Variants in ADGRB3 observed in about 807,000 individuals in gnomAD.
ADGRB3 encodes the protein brain-specific angiogenesis inhibitor 3.
A neutral mutation model predicts 193.4 loss-of-function variants in ADGRB3; 37 were observed. The ratio of observed to expected loss-of-function variants is 0.19; its 90% CI spans 0.15 to 0.25. The LOEUF (loss-of-function observed/expected upper bound fraction) is 0.25, where lower values mean the gene tolerates loss of function less well. ADGRB3 is among the 10% of genes least tolerant of loss of function. ADGRB3 has a pLI of 1.00. For missense variants in ADGRB3, 1,637 were observed against 1,852.9 expected (o/e 0.88, Z 2.14); for synonymous variants, 690 against 644.2 (o/e 1.07, Z -1.08).
intron 17 of ADGRB3, among the ~76,000 whole-genome samples, chr6:69,157,665 T>C (rs1025212608): frequency 3.3e-5 from 5 of 151,336 alleles, no homozygotes; most frequent in Non-Finnish European, 5.9e-5. Context: ...GCAAATTTAA[T>C]TGCATTTTTT....
intron 3 of ADGRB3, among the ~76,000 whole-genome samples, chr6:68,644,213 A>G (rs950996806): frequency 6.6e-6 from 1 of 152,122 alleles, no homozygotes; most frequent in African/African-American, 2.4e-5. Flanking sequence ...CACCTTTATT[A>G]GGGGAAGATT....
intron 20 of ADGRB3, among the ~76,000 whole-genome samples, chr6:69,266,168 A>G (rs1284278253): frequency 6.6e-6 from 1 of 152,030 alleles, no homozygotes; most frequent in Non-Finnish European, 1.5e-5. Context: ...TATGGTTCAC[A>G]GCCAGTAACA....
intron 3 of ADGRB3, among the ~76,000 whole-genome samples, chr6:68,729,629 A>G (rs1281209702): frequency 1.3e-5 from 2 of 151,600 alleles, no homozygotes; most frequent in Non-Finnish European, 3.0e-5. Context: ...AGAATCCCCA[A>G]GAATCTCTTT....
At chr6:69,121,111 G>T (rs1037826693) in intron 17 of ADGRB3, among the ~76,000 whole-genome samples, 1 of 151,708 alleles carries the variant, frequency 6.6e-6, no homozygotes, top group African/African-American at 2.4e-5. Flanking sequence ...AGATAAACAG[G>T]TGAACAAAGG....
At chr6:69,044,027 C>A (rs1361062293) in intron 13 of ADGRB3, among the ~76,000 whole-genome samples, 1 of 151,704 alleles carries the variant, frequency 6.6e-6, no homozygotes, top group Admixed American at 6.6e-5. Flanking sequence ...GGCGACAGAG[C>A]GAGACTCCGT....
chr6:69,126,240 T>C (rs527850434), intron 17 of ADGRB3, among the ~76,000 whole-genome samples: 3,016 of 151,132 alleles, frequency 0.02, 41 homozygotes, highest in Non-Finnish European at 0.028. Context: ...CACACATACA[T>C]ACATACATAC....
chr6:68,922,653 T>G (rs1767076177), intron 3 of ADGRB3, among the ~76,000 whole-genome samples: 1 of 152,156 alleles, frequency 6.6e-6, no homozygotes, highest in Non-Finnish European at 1.5e-5. Context: ...ACCTTAGAGA[T>G]CATGTTCCCG....
intron 17 of ADGRB3, among the ~76,000 whole-genome samples, chr6:69,140,112 G>C (rs1774284652): frequency 6.6e-6 from 1 of 152,116 alleles, no homozygotes; most frequent in African/African-American, 2.4e-5. Context: ...TTAGATGCAA[G>C]CATAGCATCT....
chr6:68,903,924 G>A (rs1030430966), intron 3 of ADGRB3, among the ~76,000 whole-genome samples: 1 of 150,782 alleles, frequency 6.6e-6, no homozygotes, highest in Non-Finnish European at 1.5e-5. Context: ...CTTGAGCCCA[G>A]GAGGTTTAGG....
chr6:69,033,069 A>T lies in ADGRB3; in HGVS notation c.2107+14570A>T, dbSNP rs1770760400. On this transcript the variant is annotated intron_variant, in intron 13 of 31. Coordinates refer to ENST00000370598, the MANE Select transcript of ADGRB3 (RefSeq NM_001704.3). ...AAGTTTAGTATCCTACATTTTAAAA[A>T]ATATATAAATATTATACTTATTGTG... Among the ~76,000 whole-genome samples the T allele has an allele frequency of 2.0e-5, 3 of 152,290 alleles. No individual in the cohort carries two copies. In the South Asian group the frequency reaches 6.2e-4, roughly 32 times the overall value.
chr6:69,137,181 C>A (rs1480158095), intron 17 of ADGRB3, among the ~76,000 whole-genome samples: 3 of 149,700 alleles, frequency 2.0e-5, no homozygotes, highest in Admixed American at 6.7e-5. Context: ...AATCTTAATG[C>A]AAACATTTAT....
At chr6:69,110,859 C>A (rs557198449) in intron 17 of ADGRB3, among the ~76,000 whole-genome samples, 3 of 152,142 alleles carry the variant, frequency 2.0e-5, no homozygotes, top group South Asian at 4.1e-4. Context: ...ATCTTGTTCA[C>A]CTTCTTAATG....
At chr6:68,896,001 T>A (rs1308089408) in intron 3 of ADGRB3, among the ~76,000 whole-genome samples, 1 of 151,976 alleles carries the variant, frequency 6.6e-6, no homozygotes, top group Non-Finnish European at 1.5e-5. Context: ...CAATTTCACA[T>A]GGGGAAATTA....
At chr6:69,373,505 G>C (rs1049801964) in intron 30 of ADGRB3, among the ~76,000 whole-genome samples, 1 of 151,948 alleles carries the variant, frequency 6.6e-6, no homozygotes, top group Admixed American at 6.6e-5. Flanking sequence ...TTTTATCTAC[G>C]ATTAAATAGC....
chr6:69,157,586 C>T (rs549480260), intron 17 of ADGRB3, among the ~76,000 whole-genome samples: 2 of 151,880 alleles, frequency 1.3e-5, no homozygotes, highest in East Asian at 3.9e-4. Flanking sequence ...CTAGAAAAGG[C>T]CTATGGGGAA....
intron 17 of ADGRB3, among the ~76,000 whole-genome samples, chr6:69,202,807 T>C (rs982883217): frequency 4.6e-5 from 7 of 152,120 alleles, no homozygotes; most frequent in Non-Finnish European, 7.4e-5. Context: ...AAGTACCTAC[T>C]GGCTTCAACT....
At chr6:69,182,010 A>C (rs1430991405) in intron 17 of ADGRB3, among the ~76,000 whole-genome samples, 4 of 152,194 alleles carry the variant, frequency 2.6e-5, no homozygotes, top group African/African-American at 9.6e-5. Context: ...ACAGTTGTTC[A>C]TCGCAAAAAT....
intron 17 of ADGRB3, among the ~76,000 whole-genome samples, chr6:69,203,556 A>G (rs1765478420): frequency 6.6e-6 from 1 of 152,032 alleles, no homozygotes; most frequent in African/African-American, 2.4e-5. Flanking sequence ...AAAGCTCTCA[A>G]TATTGCACCA....
chr6:69,356,028 C>G (rs559190041), intron 28 of ADGRB3, among the ~76,000 whole-genome samples, 168 bp downstream of exon 28: 1 of 152,012 alleles, frequency 6.6e-6, no homozygotes, highest in Non-Finnish European at 1.5e-5. Context: ...AACCAAAGAA[C>G]GAGGCAGAAA....
Sources: gnomAD v4.1 joint callset for allele counts (sites outside exome capture counted in the v4.1 genomes callset) on GRCh38, gnomAD v4.1.1 for gene constraint, MANE v1.5 for transcripts, NCBI Gene and HGNC (gene_info 2026-07-23, HGNC 2026-07-21) for gene names.